The following GABPA variants were observed in gnomAD, a reference collection of about 807,000 sequenced individuals.
GABPA encodes the protein GA-binding protein alpha chain.
GABPA carries 4 observed loss-of-function variants against 59.4 expected under a neutral mutation model. That is an observed-to-expected ratio of 0.07 (90% confidence interval 0.03 to 0.15). The LOEUF (loss-of-function observed/expected upper bound fraction) is 0.15. Among genes scored for constraint, GABPA ranks in the 10% least tolerant of loss-of-function variants. GABPA has a pLI of 1.00. For missense variants in GABPA, 251 were observed against 543.8 expected (o/e 0.46, Z 5.36); for synonymous variants, 164 against 183.1 (o/e 0.90, Z 0.84).
intron 4 of GABPA, among the ~76,000 whole-genome samples, chr21:25,750,990 G>A (rs546248442): frequency 2.6e-4 from 40 of 152,202 alleles, no homozygotes; most frequent in African/African-American, 8.9e-4. Flanking sequence ...ACAGAAGATC[G>A]AAGTTGAGTT....
At chr21:25,766,312 T>C (rs2035888781) in intron 9 of GABPA, among the ~76,000 whole-genome samples, 1 of 151,794 alleles carries the variant, frequency 6.6e-6, no homozygotes, top group Non-Finnish European at 1.5e-5. Flanking sequence ...AAAAGTAAAA[T>C]AGAAAAGGAT....
At chr21:25,765,172 T>G (rs2035861079) in intron 9 of GABPA, among the ~76,000 whole-genome samples, 1 of 152,086 alleles carries the variant, frequency 6.6e-6, no homozygotes, top group South Asian at 2.1e-4. Flanking sequence ...ACAATCTGCC[T>G]AAATCTGGAT....
At position 25,735,152 on chromosome 21, in the gene GABPA, A is replaced by G; in HGVS notation, c.-453A>G. 1.5e-6 allele frequency: 1 copy of G among 647,900 alleles called. No homozygotes were observed. Among genetic ancestry groups the G allele is most frequent in the Non-Finnish European group, 2.8e-6 (1 of 358,158 alleles). The allele number at this position is 647,900 out of a possible 1,614,324, so 40.1% of individuals were successfully genotyped here. On this transcript the variant is annotated 5_prime_UTR_variant, in exon 1 of 10. Transcript: ENST00000400075. ...GACCCGTTCTTTTTCCCCTCCTTGA[A>G]ACCTTGCTCTGTACGCATGCGCTCT...
intron 8 of GABPA, 80 bp from the exon 9 acceptor site, chr21:25,764,515 C>A (rs745842588): frequency 2.7e-5 from 39 of 1,467,242 alleles, no homozygotes; most frequent in Non-Finnish European, 3.6e-5. Context: ...GAGATTTAAA[C>A]CACGGGACCA....
Position 25,769,236 on chromosome 21 carries a change from C to A in GABPA, c.*4C>A, listed in dbSNP as rs202051040. On this transcript the variant is annotated 3_prime_UTR_variant, in exon 10 of 10. Transcript: ENST00000400075. Reference sequence around the variant, plus strand: ...GCAAACGGAAAAGGATAATTGAGCCCCAGGACATTCTGAGACTCCAAAGTC... The same window carrying A: ...GCAAACGGAAAAGGATAATTGAGCCACAGGACATTCTGAGACTCCAAAGTC... 6.3e-7 allele frequency: 1 copy of A among 1,574,940 alleles called. No individual in the cohort carries two copies. Among genetic ancestry groups the A allele is most frequent in the East Asian group, 2.2e-5 (1 of 44,686 alleles).
At position 25,756,817 on chromosome 21, in the gene GABPA, A is replaced by G. The variant is rs149604102; in HGVS notation, c.554-1193A>G. On this transcript the variant is annotated intron_variant, in intron 5 of 9. Transcript: ENST00000400075. ...GGTTTTGTTCTCCAGTCACTTTTTT[A>G]TGTTTATGTGTACAATTCAGAAAAA... is the stretch of plus-strand genomic sequence containing the variant. Among the ~76,000 whole-genome samples, 533 of 152,184 alleles carry G rather than the reference A, an allele frequency of 3.5e-3. 1 individual carries two copies. Among genetic ancestry groups the G allele is most frequent in the Middle Eastern group, 0.024 (7 of 294 alleles).
rs1304174716 is a variant in GABPA, at chr21:25,735,311, G to A, written c.-294G>A. 4 of 306,754 alleles carry A rather than the reference G, an allele frequency of 1.3e-5. No individual in the cohort carries two copies. Among genetic ancestry groups the A allele is most frequent in the Non-Finnish European group, 2.5e-5 (4 of 161,576 alleles). The allele number at this position is 306,754 out of a possible 1,614,324, so 19.0% of individuals were successfully genotyped here. A position where few individuals can be genotyped will look rare whatever the true frequency, so the allele number is the denominator to read the frequency against. On this transcript the variant is annotated 5_prime_UTR_variant, in exon 1 of 10. Coordinates refer to ENST00000400075, the MANE Select transcript of GABPA (RefSeq NM_002040.4). ...GCGGATTGGGGCGTTGTGCTTCCTT[G>A]TACCTCGTGAGCCTCCGTTGCCTTG...
chr21:25,768,179 A>G (rs189127764), intron 9 of GABPA, among the ~76,000 whole-genome samples: 184 of 152,122 alleles, frequency 1.2e-3, no homozygotes, highest in African/African-American at 4.3e-3. Context: ...ATGCAGCAGT[A>G]AACTAGATTT....
Position 25,735,209 on chromosome 21 carries a change from C to T in GABPA, c.-396C>T, listed in dbSNP as rs1007924607. The T allele has an allele frequency of 5.1e-6, 3 of 592,786 alleles. No individual in the cohort carries two copies. Among genetic ancestry groups the T allele is most frequent in the African/African-American group, 3.7e-5 (2 of 53,774 alleles). 36.7% of individuals were successfully genotyped at this position (592,786 alleles called of 1,614,324 possible). A position where few individuals can be genotyped will look rare whatever the true frequency, so the allele number is the denominator to read the frequency against. ...GGCCTTTCCCCTAGTTCAAGCTCCC[C>T]TCCGAGTCAGCGTCCTGTTCGTTAG... On this transcript the variant is annotated 5_prime_UTR_variant, in exon 1 of 10. Coordinates refer to ENST00000400075, the MANE Select transcript of GABPA (RefSeq NM_002040.4).
In GABPA at chr21:25,735,135, C is replaced by T. The variant is rs556980094; in HGVS notation, c.-470C>T. 2.2e-4 allele frequency: 152 copies of T among 679,304 alleles called. 1 individual carries two copies. Among genetic ancestry groups the T allele is most frequent in the Middle Eastern group, 1.8e-3 (7 of 3,904 alleles). 42.1% of individuals were successfully genotyped at this position (679,304 alleles called of 1,614,324 possible). ...TTTTCTTCGCCTAATTTGACCCGTT[C>T]TTTTTCCCCTCCTTGAAACCTTGCT... On this transcript the variant is annotated 5_prime_UTR_variant, in exon 1 of 10. Coordinates refer to ENST00000400075, the MANE Select transcript of GABPA (RefSeq NM_002040.4).
rs769149995 is a variant in GABPA, at chr21:25,769,230, T to A, written c.1363T>A (p.Ter455ArgextTer19). The A allele has an allele frequency of 1.3e-6, 2 of 1,586,254 alleles. No individual in the cohort carries two copies. Among genetic ancestry groups the A allele is most frequent in the Non-Finnish European group, 8.7e-7 (1 of 1,154,980 alleles). The change falls in exon 10 of 10, where the codon TGA becomes AGA. Residue 455 changes from the stop codon to arginine, a stop_lost. Coordinates refer to ENST00000400075, the MANE Select transcript of GABPA (RefSeq NM_002040.4). Reference protein sequence around the residue: ...TASLQTEKDN* With the variant: ...TASLQTEKDNR ...TTCTCTGCAAACGGAAAAGGATAAT[T>A]GAGCCCCAGGACATTCTGAGACTCC...
intron 3 of GABPA, among the ~76,000 whole-genome samples, chr21:25,747,603 G>A (rs995054674): frequency 6.6e-6 from 1 of 152,206 alleles, no homozygotes; most frequent in Non-Finnish European, 1.5e-5. Flanking sequence ...TTATGGTAAT[G>A]CTGTGGGCTG....
intron 6 of GABPA, among the ~76,000 whole-genome samples, chr21:25,760,877 C>A (rs1433417144): frequency 2.0e-5 from 3 of 151,068 alleles, no homozygotes; most frequent in Non-Finnish European, 4.4e-5. Context: ...TTTTTTTTTC[C>A]CCCTGTGGTC....
chr21:25,762,735 T>C (rs887972026), intron 7 of GABPA, among the ~76,000 whole-genome samples: 1 of 152,206 alleles, frequency 6.6e-6, no homozygotes, highest in Non-Finnish European at 1.5e-5. Flanking sequence ...AATATCAGTA[T>C]AGGTTGGATA....
At chr21:25,748,932 G>T in intron 3 of GABPA, 104 bp from the exon 4 acceptor site, 1 of 716,198 alleles carries the variant, frequency 1.4e-6, no homozygotes, top group South Asian at 1.6e-5. Flanking sequence ...AGTATGTTCA[G>T]TAATTAAGTT....
rs68129259 is a variant in GABPA, at chr21:25,737,803, T to A, written c.-27+2225T>A. Among the ~76,000 whole-genome samples, 1,288 of 152,350 alleles carry A rather than the reference T, an allele frequency of 8.5e-3. 19 individuals carry two copies. Among genetic ancestry groups the A allele is most frequent in the African/African-American group, 0.029 (1,210 of 41,568 alleles). ...AGCCCTGAAAATAAGTGATTTTTTT[T>A]AAGTGCTATTCTGCTATAAACCTGA... On this transcript the variant is annotated intron_variant, in intron 1 of 9. Transcript: ENST00000400075.
intron 1 of GABPA, among the ~76,000 whole-genome samples, chr21:25,741,134 C>A (rs2035210609): frequency 6.6e-6 from 1 of 152,028 alleles, no homozygotes; most frequent in Admixed American, 6.5e-5. Flanking sequence ...TGTGGATTTT[C>A]TTTATTTTAT....
chr21:25,741,760 C>T (rs1425024281), intron 2 of GABPA, 85 bp downstream of exon 2: 17 of 824,616 alleles, frequency 2.1e-5, no homozygotes, highest in Non-Finnish European at 3.1e-5. Flanking sequence ...TTCTTTTGGA[C>T]TGTCTTTTTT....
chr21:25,745,210 C>A lies in GABPA; in HGVS notation c.78C>A (p.Ser26Arg). ...TAGCACTTACATCTTTAACATTTAG[C>A]ATTGTAGAACAAACCTACGCGCCAG... ...GTEKAECTEESIVEQTYAPAE... is the reference protein window; with the variant it reads ...GTEKAECTEERIVEQTYAPAE... The change falls in exon 3 of 10, where the codon AGC (serine) becomes AGA (arginine). Residue 26 changes from serine (S) to arginine (R), a missense_variant and splice_region_variant. This residue lies in a region of GABPA where 207 missense variants were observed against 366.7 expected (regional missense o/e 0.56). Transcript: ENST00000400075. The A allele has an allele frequency of 6.2e-7, 1 of 1,612,352 alleles. No individual in the cohort carries two copies. The highest frequency in any genetic ancestry group is 8.5e-7 in the Non-Finnish European group (1 of 1,179,748).
Sources: gnomAD v4.1 joint callset for allele counts (sites outside exome capture counted in the v4.1 genomes callset) on GRCh38, gnomAD v4.1.1 for gene constraint, gnomAD v4.1.1 regional missense constraint, MANE v1.5 for transcripts, NCBI Gene and HGNC (gene_info 2026-07-23, HGNC 2026-07-21) for gene names.